Variants in COL23A1 observed in about 807,000 individuals in gnomAD.
COL23A1 encodes the protein collagen type XXIII alpha 1 chain, also known as collagen alpha-1(XXIII) chain.
COL23A1 carries 97 observed loss-of-function variants against 99.3 expected under a neutral mutation model. The ratio of observed to expected loss-of-function variants is 0.98; its 90% CI spans 0.83 to 1.16. The LOEUF (loss-of-function observed/expected upper bound fraction) is 1.16. COL23A1 is among the 50% of genes most tolerant of loss of function. The pLI, the probability that COL23A1 is intolerant of heterozygous loss-of-function variation, is 0.00. For missense variants in COL23A1, 762 were observed against 757.4 expected (o/e 1.01, Z -0.07); for synonymous variants, 320 against 308.2 (o/e 1.04, Z -0.40).
chr5:178,562,649 G>A (rs908491223), intron 1 of COL23A1: 3 of 151,516 alleles, frequency 2.0e-5, no homozygotes, highest in African/African-American at 7.3e-5. Flanking sequence ...CAAAGAGTGA[G>A]CAGCAAGGAG....
At chr5:178,585,023 C>A (rs1763854588) in intron 1 of COL23A1, among the ~76,000 whole-genome samples, 2 of 152,216 alleles carry the variant, frequency 1.3e-5, no homozygotes, top group African/African-American at 2.4e-5. Flanking sequence ...AAGACTGCAA[C>A]CAACGGGACT....
chr5:178,243,987 T>A (rs925378491), intron 25 of COL23A1, among the ~76,000 whole-genome samples: 6 of 152,178 alleles, frequency 3.9e-5, no homozygotes, highest in African/African-American at 1.4e-4. Context: ...CCAGGTAATG[T>A]TCTTTTTTTT....
intron 2 of COL23A1, among the ~76,000 whole-genome samples, chr5:178,362,597 C>T (rs1581232417): frequency 1.3e-5 from 2 of 152,214 alleles, no homozygotes; most frequent in African/African-American, 4.8e-5. Flanking sequence ...GCCTGGCTCA[C>T]GGGCACACCC....
intron 6 of COL23A1, among the ~76,000 whole-genome samples, chr5:178,269,430 C>CCCGT (rs1756121775): frequency 1.6e-5 from 1 of 64,198 alleles, no homozygotes; most frequent in African/African-American, 6.1e-5. Context: ...CGTCCATCCA[C>CCCGT]CCACCCACCC....
chr5:178,341,240 T>C (rs1294864802), intron 2 of COL23A1, among the ~76,000 whole-genome samples: 1 of 152,222 alleles, frequency 6.6e-6, no homozygotes, highest in African/African-American at 2.4e-5. Context: ...TTCTCCCGCC[T>C]CAGCTTCTGG....
chr5:178,561,245 T>G (rs1251195003), intron 1 of COL23A1, among the ~76,000 whole-genome samples: 1 of 152,232 alleles, frequency 6.6e-6, no homozygotes, highest in Non-Finnish European at 1.5e-5. Context: ...TGGCCCGGGT[T>G]GAATCACCCT....
intron 2 of COL23A1, among the ~76,000 whole-genome samples, chr5:178,383,207 T>C (rs1036985665): frequency 6.6e-6 from 1 of 151,426 alleles, no homozygotes; most frequent in Non-Finnish European, 1.5e-5. Flanking sequence ...GGAACTTTCC[T>C]AGGTGCTGCG....
At chr5:178,501,126 A>C (rs555691686) in intron 2 of COL23A1, among the ~76,000 whole-genome samples, 3 of 152,328 alleles carry the variant, frequency 2.0e-5, no homozygotes, top group Non-Finnish European at 4.4e-5. Context: ...ATAAAAATGT[A>C]AGAAGACTCT....
intron 3 of COL23A1, among the ~76,000 whole-genome samples, chr5:178,302,354 GCGCCGGAGCACGGC>G (rs1758112668): frequency 6.7e-6 from 1 of 149,676 alleles, no homozygotes; most frequent in Admixed American, 6.7e-5. Flanking sequence ...ACCTGTGTGT[GCGCCGGAGCACGGC>G]TTCAATCCAC....
chr5:178,328,209 C>T (rs1348138852), intron 2 of COL23A1, among the ~76,000 whole-genome samples: 1 of 152,210 alleles, frequency 6.6e-6, no homozygotes, highest in Non-Finnish European at 1.5e-5. Context: ...CTGCCATCCA[C>T]TCCCACACGT....
chr5:178,414,768 A>G (rs894824699), intron 2 of COL23A1, among the ~76,000 whole-genome samples: 3 of 152,180 alleles, frequency 2.0e-5, no homozygotes, highest in Non-Finnish European at 4.4e-5. Context: ...TGAGACTCCA[A>G]CTAAATAAAA....
intron 2 of COL23A1, among the ~76,000 whole-genome samples, chr5:178,418,269 G>A (rs1765418101): frequency 6.6e-6 from 1 of 152,182 alleles, no homozygotes; most frequent in African/African-American, 2.4e-5. Flanking sequence ...TTGAAGGTTG[G>A]CTCTTATTAT....
At chr5:178,311,484 CTGTGTGTGTGTGTGTGTGTGTGCGCG>C (rs898084880) in intron 2 of COL23A1, among the ~76,000 whole-genome samples, 14 of 58,158 alleles carry the variant, frequency 2.4e-4, no homozygotes, top group East Asian at 9.7e-4. Context: ...GTTCTTTCCT[CTGTGTGTGTGTGTGTGTGTGTGCGCG>C]TGTGTGTGTG....
At chr5:178,256,472 T>A in intron 14 of COL23A1, 75 bp from the exon 15 acceptor site, 1 of 1,403,238 alleles carries the variant, frequency 7.1e-7, no homozygotes, top group Non-Finnish European at 9.6e-7. Context: ...CTGCCCCCAG[T>A]CCCCTCTTCC....
Position 178,540,822 on chromosome 5 carries a change from G to A in COL23A1, c.361+19860C>T, listed in dbSNP as rs1761244163. Among the ~76,000 whole-genome samples the A allele has an allele frequency of 3.3e-5, 5 of 152,350 alleles. No individual in the cohort carries two copies. The South Asian group carries it at 1.0e-3, about 32-fold the overall frequency. On this transcript the variant is annotated intron_variant, in intron 2 of 28. Coordinates refer to ENST00000390654, the MANE Select transcript of COL23A1 (RefSeq NM_173465.4). ...AGTGCCTGTGGTCCCAGCTACTCAGGGGGCTGAGGTGGGAGGATCGCCTGA... is the reference window on the plus strand; with the variant it reads ...AGTGCCTGTGGTCCCAGCTACTCAGAGGGCTGAGGTGGGAGGATCGCCTGA...
Position 178,318,529 on chromosome 5 carries a change from G to A in COL23A1, c.362-11610C>T, listed in dbSNP as rs548602061. Among the ~76,000 whole-genome samples the A allele has an allele frequency of 1.1e-3, 162 of 152,364 alleles. 1 individual carries two copies. The highest frequency in any genetic ancestry group is 3.8e-3 in the African/African-American group (159 of 41,590). On this transcript the variant is annotated intron_variant, in intron 2 of 28. Coordinates refer to ENST00000390654, the MANE Select transcript of COL23A1 (RefSeq NM_173465.4). ...CCTGCCCACAGGGGCTCAGAGCCAT[G>A]AGAACATCTCTGAAGGGCCGAAGGG...
chr5:178,356,861 T>G (rs1761684335), intron 2 of COL23A1, among the ~76,000 whole-genome samples: 1 of 151,940 alleles, frequency 6.6e-6, no homozygotes, highest in Non-Finnish European at 1.5e-5. Context: ...TGGTCCCCAC[T>G]GCAACCCCCT....
At position 178,589,292 on chromosome 5, in the gene COL23A1, A is replaced by C. The variant is rs1413599996; in HGVS notation, c.294+612T>G. Among the ~76,000 whole-genome samples, 2 of 151,592 alleles carry C rather than the reference A, an allele frequency of 1.3e-5. No homozygotes were observed. On this transcript the variant is annotated intron_variant, in intron 1 of 28. Coordinates refer to ENST00000390654, the MANE Select transcript of COL23A1 (RefSeq NM_173465.4). The surrounding 1 kb of genome is among the most constrained non-coding windows in gnomAD (Gnocchi z 5.4). ...CCAGAATCCAGGTCCTCCACCCCCG[A>C]TTGTTTCTCCTTCCTCTCATCTTAC...
In COL23A1 at chr5:178,436,265, T is replaced by C. The variant is rs149766359; in HGVS notation, c.361+124417A>G. The stretch of plus-strand genomic sequence containing the variant: ...CCAAACCCAGATGTCTGGTGTTTAG[T>C]GCTATGGACAGTGTGGGAAGTGAGA... On this transcript the variant is annotated intron_variant, in intron 2 of 28. Coordinates refer to ENST00000390654, the MANE Select transcript of COL23A1 (RefSeq NM_173465.4). 8.3e-3 allele frequency among the ~76,000 whole-genome samples: 1,264 copies of C among 152,222 alleles called. 12 individuals carry two copies. The highest frequency in any genetic ancestry group is 0.014 in the Non-Finnish European group (944 of 68,002).
Sources: gnomAD v4.1 joint callset for allele counts (sites outside exome capture counted in the v4.1 genomes callset) on GRCh38, gnomAD v4.1.1 for gene constraint, Gnocchi (gnomAD v3.1) non-coding constraint, MANE v1.5 for transcripts, NCBI Gene and HGNC (gene_info 2026-07-23, HGNC 2026-07-21) for gene names.